NTN4: variants seen among roughly 807,000 people sequenced by gnomAD.
NTN4 encodes the protein netrin-4.
In NTN4, 32 loss-of-function variants were observed where a neutral mutation model predicts 73.6. That is an observed-to-expected ratio of 0.44 (90% CI 0.33 to 0.58). The LOEUF (loss-of-function observed/expected upper bound fraction) is 0.58. NTN4 is among the 20% of genes least tolerant of loss of function. The pLI is 0.04. For synonymous variants in NTN4, 258 were observed against 287.5 expected, an observed-to-expected ratio of 0.90 and a Z score of 1.04; for missense variants, 654 against 798.3, an observed-to-expected ratio of 0.82 and a Z score of 2.18.
chr12:95,752,661 C>G (rs1370835809), intron 2 of NTN4, among the ~76,000 whole-genome samples: 1 of 149,544 alleles, frequency 6.7e-6, no homozygotes, highest in South Asian at 2.1e-4. Flanking sequence ...TCTCAAACCC[C>G]AGCACCTTCT....
At chr12:95,697,212 G>T (rs1041249046) in intron 5 of NTN4, among the ~76,000 whole-genome samples, 1 of 151,572 alleles carries the variant, frequency 6.6e-6, no homozygotes, top group Non-Finnish European at 1.5e-5. Context: ...ATTCTAACTT[G>T]ATAGGGGACA....
chr12:95,698,311 C>T (rs2078457340), intron 5 of NTN4, among the ~76,000 whole-genome samples: 1 of 152,206 alleles, frequency 6.6e-6, no homozygotes, highest in Non-Finnish European at 1.5e-5. Context: ...CCATGACAGC[C>T]ATTCACCAAA....
chr12:95,688,651 C>G (rs764094098), intron 5 of NTN4, among the ~76,000 whole-genome samples: 14 of 151,956 alleles, frequency 9.2e-5, no homozygotes, highest in Non-Finnish European at 1.8e-4. Context: ...GATGAAACTT[C>G]CCAGGGACGG....
At chr12:95,697,805 T>G (rs1481451090) in intron 5 of NTN4, among the ~76,000 whole-genome samples, 1 of 152,174 alleles carries the variant, frequency 6.6e-6, no homozygotes, top group Non-Finnish European at 1.5e-5. Context: ...CAGACTAACC[T>G]GGGTTCAAAT....
intron 5 of NTN4, among the ~76,000 whole-genome samples, chr12:95,685,972 A>G (rs911541754): frequency 2.0e-5 from 3 of 151,944 alleles, no homozygotes; most frequent in African/African-American, 7.3e-5. Context: ...TGCAGCCTCG[A>G]CCTCCCAGGC....
chr12:95,788,383 G>C (rs1170055565), intron 1 of NTN4, among the ~76,000 whole-genome samples: 1 of 152,158 alleles, frequency 6.6e-6, no homozygotes, highest in Non-Finnish European at 1.5e-5. Context: ...AGACTTTAAT[G>C]TTTTAAAATG....
chr12:95,673,092 C>T (rs2078246515), intron 7 of NTN4: 1 of 1,266,350 alleles, frequency 7.9e-7, no homozygotes, highest in Non-Finnish European at 1.1e-6. Flanking sequence ...GACTACTGTC[C>T]CCAGGAGCAC....
intron 5 of NTN4, among the ~76,000 whole-genome samples, chr12:95,688,859 G>A (rs868260014): frequency 1.3e-5 from 2 of 151,764 alleles, no homozygotes; most frequent in Non-Finnish European, 2.9e-5. Context: ...AGTCACATAC[G>A]ATGGACAATA....
chr12:95,703,342 C>T (rs2078500334), intron 5 of NTN4, among the ~76,000 whole-genome samples: 1 of 152,104 alleles, frequency 6.6e-6, no homozygotes, highest in Non-Finnish European at 1.5e-5. Context: ...TTTGTAGGCT[C>T]TAGCACTTGG....
chr12:95,723,880 G>A (rs530008651), intron 3 of NTN4, among the ~76,000 whole-genome samples: 2 of 152,246 alleles, frequency 1.3e-5, no homozygotes, highest in East Asian at 3.9e-4. Context: ...TGTTTGTAAT[G>A]TCTTACTGGC....
chr12:95,682,255 T>C (rs1172271828), intron 7 of NTN4, among the ~76,000 whole-genome samples: 1 of 151,810 alleles, frequency 6.6e-6, no homozygotes, highest in African/African-American at 2.4e-5. Flanking sequence ...ACTCTTGCTA[T>C]GTTTCCCAGG....
rs186027160 is a variant in NTN4, at chr12:95,702,078, G to A, written c.1180+8363C>T. Among the ~76,000 whole-genome samples the A allele has an allele frequency of 2.2e-4, 33 of 152,048 alleles. No homozygotes were observed. The East Asian group carries it at 5.4e-3, about 25-fold the overall frequency. On this transcript the variant is annotated intron_variant, in intron 5 of 9. Coordinates refer to ENST00000343702, the MANE Select transcript of NTN4 (RefSeq NM_021229.4). ...GTGAATCACTTGAGGTCAGGAGTTC[G>A]AGACCAGCCTGGCCAACATAGGGAA...
At chr12:95,779,728 T>C (rs1484776767) in intron 2 of NTN4, among the ~76,000 whole-genome samples, 1 of 152,152 alleles carries the variant, frequency 6.6e-6, no homozygotes, top group Non-Finnish European at 1.5e-5. Context: ...ATGGCCATAC[T>C]GCCCAAAGTA....
chr12:95,781,534 C>A lies in NTN4; in HGVS notation c.585+5405G>T, dbSNP rs2079133114. Among the ~76,000 whole-genome samples, 1 of 152,032 alleles carries A rather than the reference C, an allele frequency of 6.6e-6. No homozygotes were observed. Among genetic ancestry groups the A allele is most frequent in the African/African-American group, 2.4e-5 (1 of 41,392 alleles). ...CTTAATACCTGGGCAATAGGATGAT[C>A]TGTGCAGCAAACCAATATGGCACAC... On this transcript the variant is annotated intron_variant, in intron 2 of 9. Transcript: ENST00000343702. This position sits in a 1 kb window ranked among gnomAD's most constrained non-coding sequence, Gnocchi z 4.1.
Position 95,682,057 on chromosome 12 carries a change from C to CTTTTTTTTTTTTTTTTTT in NTN4, c.1510+632_1510+649dup, listed in dbSNP as rs557973212. Reference sequence around the variant, plus strand: ...TTCCAAACCTAATATATTCAGTAGGCTTTTTTTTTTTTTTTTTTTTTTTGA... The same window carrying CTTTTTTTTTTTTTTTTTT: ...TTCCAAACCTAATATATTCAGTAGGCTTTTTTTTTTTTTTTTTTTTTTTTTTTTTTTTTTTTTTTTTGA... On this transcript the variant is annotated intron_variant, in intron 7 of 9. Coordinates refer to ENST00000343702, the MANE Select transcript of NTN4 (RefSeq NM_021229.4). 1.2e-3 allele frequency among the ~76,000 whole-genome samples: 79 copies of CTTTTTTTTTTTTTTTTTT among 64,538 alleles called. 19 individuals carry two copies. Among genetic ancestry groups the CTTTTTTTTTTTTTTTTTT allele is most frequent in the East Asian group, 3.2e-3 (6 of 1,848 alleles). The allele number at this position is 64,538 out of a possible 152,430, so 42.3% of individuals were successfully genotyped here. A position where few individuals can be genotyped will look rare whatever the true frequency, so the allele number is the denominator to read the frequency against.
intron 2 of NTN4, among the ~76,000 whole-genome samples, chr12:95,740,161 A>T (rs1439955125): frequency 6.6e-6 from 1 of 152,138 alleles, no homozygotes; most frequent in East Asian, 1.9e-4. Context: ...TTTTTCCAGA[A>T]AGGAGACGCC....
At position 95,691,688 on chromosome 12, in the gene NTN4, C is replaced by G. The variant is rs137975278; in HGVS notation, c.1181-7977G>C. On this transcript the variant is annotated intron_variant, in intron 5 of 9. Coordinates refer to ENST00000343702, the MANE Select transcript of NTN4 (RefSeq NM_021229.4). ...GGGATTACAGGCGTGAGCCACCATG[C>G]CCGGCCTGTCTTCTTGTTAGACCCA... is the stretch of plus-strand genomic sequence containing the variant. Among the ~76,000 whole-genome samples, 1,045 of 152,326 alleles carry G rather than the reference C, an allele frequency of 6.9e-3. 8 individuals carry two copies. The highest frequency in any genetic ancestry group is 0.024 in the African/African-American group (1,005 of 41,568).
At chr12:95,689,570 G>C (rs541244209) in intron 5 of NTN4, among the ~76,000 whole-genome samples, 2 of 152,176 alleles carry the variant, frequency 1.3e-5, no homozygotes, top group South Asian at 4.1e-4. Context: ...GGATTAGCGT[G>C]CTCAAGGTGG....
chr12:95,710,866 C>T (rs1396871662), intron 4 of NTN4, among the ~76,000 whole-genome samples: 11 of 151,850 alleles, frequency 7.2e-5, no homozygotes, highest in Admixed American at 2.0e-4. Flanking sequence ...TAGCCAGGTG[C>T]GGTGGCACAC....
Sources: allele counts gnomAD v4.1 joint callset (sites outside exome capture counted in the v4.1 genomes callset), GRCh38; gene constraint gnomAD v4.1.1; non-coding constraint Gnocchi (gnomAD v3.1); transcripts MANE v1.5; gene names NCBI Gene and HGNC (gene_info 2026-07-23, HGNC 2026-07-21).